The following ANXA4 variants were observed in gnomAD, a reference collection of about 807,000 sequenced individuals.
ANXA4 encodes annexin A4.
A neutral mutation model predicts 49.8 loss-of-function variants in ANXA4; 39 were observed. The observed-to-expected ratio is 0.78, with a 90% CI of 0.61 to 1.02. ANXA4 has a LOEUF of 1.02. ANXA4 is among the 50% of genes least tolerant of loss of function. The pLI, the probability that ANXA4 is intolerant of heterozygous loss-of-function variation, is 0.00. For synonymous variants in ANXA4, 134 were observed against 152.5 expected (o/e 0.88, Z 0.89); for missense variants, 360 against 410.1 (o/e 0.88, Z 1.05).
intron 2 of ANXA4, among the ~76,000 whole-genome samples, chr2:69,674,789 C>T (rs1443050604): frequency 6.6e-6 from 1 of 152,066 alleles, no homozygotes; most frequent in Non-Finnish European, 1.5e-5. Context: ...AAATTATTAA[C>T]CTGTGACTTC....
At chr2:69,708,384 G>A (rs75046936) in intron 2 of ANXA4, among the ~76,000 whole-genome samples, 20 of 152,224 alleles carry the variant, frequency 1.3e-4, no homozygotes, top group Admixed American at 5.2e-4. Flanking sequence ...TCAGTGGTCC[G>A]TAACAGTTAA....
chr2:69,710,740 TA>T (rs1487272358), intron 2 of ANXA4, among the ~76,000 whole-genome samples: 1 of 151,942 alleles, frequency 6.6e-6, no homozygotes, highest in Non-Finnish European at 1.5e-5. Flanking sequence ...AAATACAAAG[TA>T]AAAGGACAAT....
At chr2:69,818,900 C>T (rs936750063) in intron 10 of ANXA4, among the ~76,000 whole-genome samples, 36 of 152,192 alleles carry the variant, frequency 2.4e-4, no homozygotes, top group Non-Finnish European at 4.4e-4. Context: ...TTTATATCTT[C>T]TGTGCCTTTG....
intron 2 of ANXA4, among the ~76,000 whole-genome samples, chr2:69,706,545 A>C (rs1238718255): frequency 3.3e-5 from 5 of 151,816 alleles, no homozygotes; most frequent in Non-Finnish European, 5.9e-5. Context: ...CAGGTGATCC[A>C]CCTGCCTCAG....
chr2:69,804,526 C>A lies in ANXA4; in HGVS notation c.98-7C>A. 6.2e-7 allele frequency: 1 copy of A among 1,611,906 alleles called. No individual in the cohort carries two copies. The highest frequency in any genetic ancestry group is 8.5e-7 in the Non-Finnish European group (1 of 1,178,272). On this transcript the variant is annotated splice_region_variant and splice_polypyrimidine_tract_variant and intron_variant, in intron 3 of 12. Transcript: ENST00000394295. Reference sequence around the variant, plus strand: ...ACACTTACCTGCTGTCTCCCTTCTTCCCCCAGGCACCGATGAAGACGCCAT... The same window carrying A: ...ACACTTACCTGCTGTCTCCCTTCTTACCCCAGGCACCGATGAAGACGCCAT...
intron 2 of ANXA4, among the ~76,000 whole-genome samples, chr2:69,705,705 G>A (rs1678472883): frequency 6.6e-6 from 1 of 152,190 alleles, no homozygotes; most frequent in South Asian, 2.1e-4. Context: ...GCCAAGGCGG[G>A]TGGATCACTT....
chr2:69,656,590 T>G (rs1352865682), intron 2 of ANXA4, among the ~76,000 whole-genome samples: 3 of 138,602 alleles, frequency 2.2e-5, no homozygotes, highest in Non-Finnish European at 4.6e-5. Context: ...TCTTGCTCTA[T>G]CCCCCAGGAT....
chr2:69,760,126 C>T (rs1056070688), intron 1 of ANXA4, among the ~76,000 whole-genome samples: 7 of 152,214 alleles, frequency 4.6e-5, no homozygotes, highest in Non-Finnish European at 8.8e-5. Flanking sequence ...GCCACCACGC[C>T]CGGCCTGTTT....
At chr2:69,683,984 G>C (rs1288692951) in intron 2 of ANXA4, among the ~76,000 whole-genome samples, 1 of 152,118 alleles carries the variant, frequency 6.6e-6, no homozygotes, top group African/African-American at 2.4e-5. Flanking sequence ...CATAACAAGA[G>C]TTGATTGTTT....
At chr2:69,659,506 A>G (rs72837992) in intron 2 of ANXA4, among the ~76,000 whole-genome samples, 12 of 152,292 alleles carry the variant, frequency 7.9e-5, no homozygotes, top group Non-Finnish European at 1.8e-4. Flanking sequence ...CAGTGGTGTG[A>G]TCAATAGCTC....
In ANXA4 at chr2:69,753,677, G is replaced by T. The variant is rs61209653; in HGVS notation, c.-47+11502G>T. Among the ~76,000 whole-genome samples the T allele has an allele frequency of 8.7e-3, 1,324 of 152,248 alleles. 27 individuals are homozygous for T. Among genetic ancestry groups the T allele is most frequent in the African/African-American group, 0.031 (1,279 of 41,544 alleles). The stretch of plus-strand genomic sequence containing the variant: ...CCTTATTTCTTTTTGGTCAGAAGTG[G>T]GTCACATGGCCACTCCTAACCCATT... On this transcript the variant is annotated intron_variant, in intron 1 of 12. Transcript: ENST00000394295.
chr2:69,768,006 C>T (rs576549453), intron 1 of ANXA4, among the ~76,000 whole-genome samples: 40 of 151,790 alleles, frequency 2.6e-4, no homozygotes, highest in South Asian at 2.1e-3. Context: ...TATAATTATA[C>T]ACGTATACAC....
chr2:69,723,485 C>T (rs1303831464), intron 3 of ANXA4, among the ~76,000 whole-genome samples: 1 of 152,166 alleles, frequency 6.6e-6, no homozygotes, highest in Non-Finnish European at 1.5e-5. Flanking sequence ...AGCAGAGAGA[C>T]TCTTGTTCTA....
At chr2:69,799,340 GT>G (rs1204580031) in intron 3 of ANXA4, among the ~76,000 whole-genome samples, 6 of 152,166 alleles carry the variant, frequency 3.9e-5, no homozygotes, top group Non-Finnish European at 7.3e-5. Context: ...AAGACCCACT[GT>G]TTTACTGGGG....
At chr2:69,651,243 T>A (rs1676217948) in intron 1 of ANXA4, among the ~76,000 whole-genome samples, 2 of 152,168 alleles carry the variant, frequency 1.3e-5, no homozygotes, top group Admixed American at 1.3e-4. Context: ...TGGTTCCATG[T>A]GCCTAGAGTC....
intron 2 of ANXA4, among the ~76,000 whole-genome samples, chr2:69,704,191 T>G (rs1212041151): frequency 6.6e-6 from 1 of 152,228 alleles, no homozygotes; most frequent in Non-Finnish European, 1.5e-5. Context: ...TATATTTTCT[T>G]TATATGGTCC....
At chr2:69,665,113 A>C (rs964504725) in intron 2 of ANXA4, among the ~76,000 whole-genome samples, 2 of 152,158 alleles carry the variant, frequency 1.3e-5, no homozygotes, top group African/African-American at 4.8e-5. Flanking sequence ...AAAATAAACA[A>C]AAATAAATAA....
chr2:69,645,603 T>G (rs1007678352), intron 1 of ANXA4, among the ~76,000 whole-genome samples: 2 of 152,204 alleles, frequency 1.3e-5, no homozygotes, highest in Non-Finnish European at 2.9e-5. Flanking sequence ...ACCAGACTAG[T>G]CCAGGCTTAC....
chr2:69,772,682 G>A (rs771608779), intron 1 of ANXA4, among the ~76,000 whole-genome samples: 3 of 152,094 alleles, frequency 2.0e-5, no homozygotes, highest in Non-Finnish European at 4.4e-5. Flanking sequence ...ACAATGAATC[G>A]AGGAGTACCA....
Sources: allele counts gnomAD v4.1 joint callset (sites outside exome capture counted in the v4.1 genomes callset), GRCh38; gene constraint gnomAD v4.1.1; transcripts MANE v1.5; gene names NCBI Gene and HGNC (gene_info 2026-07-23, HGNC 2026-07-21).